The following EXOC4 variants were observed in gnomAD, a reference collection of about 807,000 sequenced individuals.
The protein encoded by EXOC4 is exocyst complex component 4.
In EXOC4, 71 loss-of-function variants were observed where a neutral mutation model predicts 107.2. The observed-to-expected ratio is 0.66, with a 90% CI of 0.55 to 0.81. The LOEUF (loss-of-function observed/expected upper bound fraction) is 0.81. Ranked by LOEUF, EXOC4 falls within the 30% of genes least tolerant of loss-of-function variation. The pLI, the probability that EXOC4 is intolerant of heterozygous loss-of-function variation, is 0.00. For missense variants in EXOC4, 1,108 were observed against 1,189.6 expected (o/e 0.93, Z 1.01); for synonymous variants, 456 against 441.2 (o/e 1.03, Z -0.42).
chr7:133,280,706 C>G (rs1007658337), intron 2 of EXOC4, among the ~76,000 whole-genome samples: 1 of 152,040 alleles, frequency 6.6e-6, no homozygotes, highest in Non-Finnish European at 1.5e-5. Flanking sequence ...AGTAATGAAA[C>G]ATTCATTATT....
downstream of EXOC4, among the ~76,000 whole-genome samples, chr7:134,069,474 C>T (rs1055032414): frequency 6.6e-5 from 10 of 151,296 alleles, no homozygotes; most frequent in Non-Finnish European, 1.5e-4. Flanking sequence ...CCTCCTCCAT[C>T]CTCTTCTCCT....
intron 10 of EXOC4, among the ~76,000 whole-genome samples, chr7:133,774,804 A>G (rs111284236): frequency 4.6e-5 from 7 of 152,268 alleles, no homozygotes; most frequent in African/African-American, 1.4e-4. Context: ...AATTTCAAGA[A>G]TCACTGAGGC....
chr7:134,034,796 C>G (rs1033454273), intron 17 of EXOC4, among the ~76,000 whole-genome samples: 1 of 152,146 alleles, frequency 6.6e-6, no homozygotes, highest in African/African-American at 2.4e-5. Context: ...GAAATATAAT[C>G]CTTAGCATCA....
chr7:134,014,855 TGAG>T (rs1194180007), intron 17 of EXOC4, among the ~76,000 whole-genome samples: 6 of 152,106 alleles, frequency 3.9e-5, no homozygotes, highest in African/African-American at 1.2e-4. Flanking sequence ...TCATAGGAAA[TGAG>T]GAGCCAAAGT....
At chr7:133,927,113 C>A (rs1255705219) in intron 13 of EXOC4, among the ~76,000 whole-genome samples, 1 of 149,702 alleles carries the variant, frequency 6.7e-6, no homozygotes, top group Non-Finnish European at 1.5e-5. Context: ...TCAGCCCCTC[C>A]TCAAATGAAA....
intron 9 of EXOC4, among the ~76,000 whole-genome samples, chr7:133,589,222 T>C (rs1801482855): frequency 6.6e-6 from 1 of 152,132 alleles, no homozygotes. Flanking sequence ...TTAAAGATTT[T>C]TCAAGATTAC....
chr7:133,810,260 G>T (rs932549170), intron 10 of EXOC4, among the ~76,000 whole-genome samples: 2 of 152,206 alleles, frequency 1.3e-5, no homozygotes, highest in Admixed American at 6.5e-5. Flanking sequence ...TGGCTGAGAT[G>T]AAATGGAAGA....
At chr7:133,803,743 G>A (rs993528686) in intron 10 of EXOC4, among the ~76,000 whole-genome samples, 13 of 152,018 alleles carry the variant, frequency 8.6e-5, no homozygotes, top group Non-Finnish European at 1.8e-4. Flanking sequence ...TCAGATTTGT[G>A]AGCAGAATTT....
chr7:133,710,183 C>T (rs1794855613), intron 10 of EXOC4, among the ~76,000 whole-genome samples: 1 of 152,162 alleles, frequency 6.6e-6, no homozygotes, highest in Non-Finnish European at 1.5e-5. Context: ...GTCTGGGCTT[C>T]TATCACAGGG....
chr7:133,938,030 C>T lies in EXOC4; in HGVS notation c.2167C>T (p.Arg723Ter), dbSNP rs1438542554. 3.1e-6 allele frequency: 5 copies of T among 1,613,888 alleles called. No individual in the cohort carries two copies. The highest frequency in any genetic ancestry group is 2.2e-5 in the South Asian group (2 of 91,070). The change falls in exon 14 of 18, where the codon CGA becomes TGA. Residue 723 changes from arginine (R) to a stop codon, truncating the protein, a stop_gained. Coordinates refer to ENST00000253861, the MANE Select transcript of EXOC4 (RefSeq NM_021807.4). LOFTEE classifies it high-confidence loss of function. ...MHESLEWLAS[R>*]TKSAFSNLST... ...TGAAAGCCTGGAATGGTTGGCAAGTCGAACAAAGTCAGCTTTCTCCAATCT... is the reference window on the plus strand; with the variant it reads ...TGAAAGCCTGGAATGGTTGGCAAGTTGAACAAAGTCAGCTTTCTCCAATCT...
intron 13 of EXOC4, among the ~76,000 whole-genome samples, chr7:133,931,906 T>G (rs1800184871): frequency 6.6e-6 from 1 of 152,232 alleles, no homozygotes; most frequent in Admixed American, 6.5e-5. Context: ...TGCCATAGCC[T>G]TGGTAACTCT....
At chr7:133,338,133 G>T (rs1458815480) in intron 5 of EXOC4, among the ~76,000 whole-genome samples, 1 of 148,466 alleles carries the variant, frequency 6.7e-6, no homozygotes, top group Non-Finnish European at 1.5e-5. Flanking sequence ...GCTTTCTTTT[G>T]GTTTGTTACT....
intron 8 of EXOC4, among the ~76,000 whole-genome samples, chr7:133,476,902 A>G (rs1430152849): frequency 6.6e-6 from 1 of 152,204 alleles, no homozygotes; most frequent in Non-Finnish European, 1.5e-5. Context: ...AATGTTTTCT[A>G]TTGCGATCAC....
At chr7:133,411,667 GT>G (rs897816439) in intron 7 of EXOC4, among the ~76,000 whole-genome samples, 1 of 151,198 alleles carries the variant, frequency 6.6e-6, no homozygotes, top group African/African-American at 2.4e-5. Flanking sequence ...AAGTAGGACA[GT>G]TTTTTTTTAG....
At chr7:133,476,833 A>G (rs910655440) in intron 8 of EXOC4, among the ~76,000 whole-genome samples, 4 of 152,218 alleles carry the variant, frequency 2.6e-5, no homozygotes, top group East Asian at 1.9e-4. Context: ...CAACTGTACA[A>G]TATCATAAAG....
At chr7:133,491,586 A>G (rs1584956199) in intron 9 of EXOC4, among the ~76,000 whole-genome samples, 1 of 152,198 alleles carries the variant, frequency 6.6e-6, no homozygotes, top group African/African-American at 2.4e-5. Flanking sequence ...ATATCAGTTG[A>G]CACACTGGAG....
intron 7 of EXOC4, among the ~76,000 whole-genome samples, chr7:133,420,549 T>G (rs999387235): frequency 2.6e-5 from 4 of 151,954 alleles, no homozygotes; most frequent in African/African-American, 4.8e-5. Context: ...TCATATTCTG[T>G]TGGTTAAAAG....
chr7:133,417,694 C>A (rs756099042), intron 7 of EXOC4, among the ~76,000 whole-genome samples: 3 of 152,032 alleles, frequency 2.0e-5, no homozygotes, highest in Non-Finnish European at 4.4e-5. Flanking sequence ...GAGTAATATC[C>A]CCTCTTGCTT....
At chr7:133,667,040 C>T (rs1216301173) in intron 10 of EXOC4, among the ~76,000 whole-genome samples, 1 of 152,084 alleles carries the variant, frequency 6.6e-6, no homozygotes, top group Non-Finnish European at 1.5e-5. Flanking sequence ...CTTAGCACTT[C>T]CTAGGAAATA....
Sources: allele counts gnomAD v4.1 joint callset (sites outside exome capture counted in the v4.1 genomes callset), GRCh38; gene constraint gnomAD v4.1.1; transcripts MANE v1.5; gene names NCBI Gene and HGNC (gene_info 2026-07-23, HGNC 2026-07-21).